CA2: variants seen among roughly 807,000 people sequenced by gnomAD.
CA2 encodes the protein carbonate dehydratase II.
CA2 carries 23 observed loss-of-function variants against 27.8 expected under a neutral mutation model. That is an observed-to-expected ratio of 0.83 (90% CI 0.59 to 1.17). CA2 has a LOEUF of 1.17. Among genes scored for constraint, CA2 ranks in the 50% most tolerant of loss-of-function variants. The pLI, the probability that CA2 is intolerant of heterozygous loss-of-function variation, is 0.00. For synonymous variants in CA2, 99 were observed against 114.9 expected, an observed-to-expected ratio of 0.86 and a Z score of 0.88; for missense variants, 300 against 314.7, an observed-to-expected ratio of 0.95 and a Z score of 0.35.
rs1403101306 is a variant in CA2 at position 85,480,542 on chromosome 8, CA to C, written c.664-125del. 4 of 881,280 alleles carry C rather than the reference CA, an allele frequency of 4.5e-6. No homozygotes were observed. The African/African-American group carries it at 6.8e-5, about 15-fold the overall frequency. The allele number at this position is 881,280 out of a possible 1,614,324, so 54.6% of individuals were successfully genotyped here. On this transcript the variant is annotated intron_variant, in intron 6 of 6. Transcript: ENST00000285379. Reference sequence around the variant, plus strand: ...CCACCCGCCTCATGCCTCAGCCTTACAAAGTGCTGGGATTACAGGCATGAGC... The same window carrying C: ...CCACCCGCCTCATGCCTCAGCCTTACAAGTGCTGGGATTACAGGCATGAGC...
In CA2 at chr8:85,465,330, TGACATC is replaced by T; in HGVS notation, c.98_103del (p.Ile33_Asp34del). The T allele has an allele frequency of 1.2e-6, 2 of 1,614,156 alleles. No individual in the cohort carries two copies. Among genetic ancestry groups the T allele is most frequent in the Non-Finnish European group, 1.7e-6 (2 of 1,180,000 alleles). Reference sequence around the variant, plus strand: ...CCAAGGGAGAGCGCCAGTCCCCTGTTGACATCGACACTCATACAGCCAAGTATGACC... The same window carrying T: ...CCAAGGGAGAGCGCCAGTCCCCTGTTGACACTCATACAGCCAAGTATGACC... On this transcript the variant is annotated inframe_deletion, in exon 2 of 7. Transcript: ENST00000285379.
intron 6 of CA2, among the ~76,000 whole-genome samples, chr8:85,479,054 G>A (rs1811848395): frequency 6.6e-6 from 1 of 152,184 alleles, no homozygotes; most frequent in South Asian, 2.1e-4. Flanking sequence ...AAGACCTGCA[G>A]GTTTACCCCA....
intron 2 of CA2, among the ~76,000 whole-genome samples, chr8:85,470,183 G>C (rs569745218): frequency 6.6e-6 from 1 of 152,100 alleles, no homozygotes; most frequent in African/African-American, 2.4e-5. Flanking sequence ...TTACTCTAGC[G>C]AAAGTGACAG....
chr8:85,474,033 A>G, intron 3 of CA2: 1 of 607,384 alleles, frequency 1.6e-6, no homozygotes, highest in Non-Finnish European at 2.9e-6. Flanking sequence ...GCAAAAAGTA[A>G]ACGGACTCAA....
rs200945186 is a variant in CA2, at chr8:85,479,110, T to TGG, written c.664-1554_664-1553dup. 1.2e-3 allele frequency among the ~76,000 whole-genome samples: 179 copies of TGG among 152,014 alleles called. 3 individuals carry two copies. The East Asian group carries it at 0.031, about 26-fold the overall frequency. On this transcript the variant is annotated intron_variant, in intron 6 of 6. Transcript: ENST00000285379. ...GCGGATGTCTGTTAATGAGGAAGTA[T>TGG]GGGGGGGCGTGGATTTTAGGTAAGC...
At position 85,474,322 on chromosome 8, in the gene CA2, A is replaced by C; in HGVS notation, c.352-2A>C. 1 of 1,612,616 alleles carries C rather than the reference A, an allele frequency of 6.2e-7. No individual in the cohort carries two copies. Among genetic ancestry groups the C allele is most frequent in the Non-Finnish European group, 8.5e-7 (1 of 1,178,582 alleles). On this transcript the variant is annotated splice_acceptor_variant, in intron 3 of 6. Coordinates refer to ENST00000285379, the MANE Select transcript of CA2 (RefSeq NM_000067.3). LOFTEE classifies it high-confidence loss of function. The stretch of plus-strand genomic sequence containing the variant: ...ACTGTGGCTTTGTCTCTTCGGCCTT[A>C]GCTTCACTTGGTTCACTGGAACACC...
chr8:85,479,109 A>AG (rs1811849322), intron 6 of CA2, among the ~76,000 whole-genome samples: 1 of 142,836 alleles, frequency 7.0e-6, no homozygotes, highest in East Asian at 2.7e-4. Context: ...ATGAGGAAGT[A>AG]TGGGGGGGCG....
chr8:85,473,710 CT>C lies in CA2; in HGVS notation c.251del (p.Leu84ArgfsTer7). On this transcript the variant is annotated frameshift_variant, in exon 3 of 7. Coordinates refer to ENST00000285379, the MANE Select transcript of CA2 (RefSeq NM_000067.3). LOFTEE classifies it high-confidence loss of function. ...AATTTTAGTGCTCAAGGGAGGACCCCTGGATGGCACTTACAGATTGATTCAG... is the reference window on the plus strand; with the variant it reads ...AATTTTAGTGCTCAAGGGAGGACCCCGGATGGCACTTACAGATTGATTCAG... The part of the protein sequence containing the change: ...QDKAVLKGGP[L>X]DGTYRLIQFH... The C allele has an allele frequency of 6.2e-7, 1 of 1,602,690 alleles. No individual in the cohort carries two copies. The highest frequency in any genetic ancestry group is 1.1e-5 in the South Asian group (1 of 90,850).
intron 1 of CA2, 151 bp from the exon 2 acceptor site, chr8:85,465,121 G>T (rs1268433273): frequency 8.0e-6 from 5 of 625,392 alleles, no homozygotes; most frequent in Non-Finnish European, 1.4e-5. Flanking sequence ...CTGAGGCACA[G>T]ATTACGTGTT....
intron 3 of CA2, 63 bp downstream of exon 3, chr8:85,473,874 A>G: frequency 1.1e-6 from 1 of 944,750 alleles, no homozygotes; most frequent in Non-Finnish European, 1.8e-6. Context: ...TTTAGCATTA[A>G]TTTCAAAAGC....
At chr8:85,464,407 C>G in intron 1 of CA2, 1 of 405,254 alleles carries the variant, frequency 2.5e-6, no homozygotes, top group Non-Finnish European at 4.3e-6. Context: ...GCCGCGGGAC[C>G]CGAGGACAGT....
intron 4 of CA2, among the ~76,000 whole-genome samples, chr8:85,475,482 A>C (rs1348541397): frequency 2.0e-5 from 3 of 151,832 alleles, no homozygotes; most frequent in African/African-American, 7.3e-5. Flanking sequence ...GGAAGACCAT[A>C]GTGTAAAGTC....
At chr8:85,473,384 C>T (rs1037285873) in intron 2 of CA2, 4 of 490,152 alleles carry the variant, frequency 8.2e-6, no homozygotes, top group Admixed American at 2.3e-5. Flanking sequence ...CTAAAACAAA[C>T]CCAGAAAAAG....
intron 5 of CA2, 83 bp downstream of exon 5, chr8:85,475,943 G>C: frequency 9.5e-7 from 1 of 1,057,620 alleles, no homozygotes; most frequent in Non-Finnish European, 1.5e-6. Flanking sequence ...TGATCAAATT[G>C]CACAGTCTCA....
At chr8:85,474,667 G>A (rs549190801) in intron 4 of CA2, 151 of 499,872 alleles carry the variant, frequency 3.0e-4, no homozygotes, top group Non-Finnish European at 4.9e-4. Context: ...GATCAACTTG[G>A]GTGACTGCTA....
intron 2 of CA2, among the ~76,000 whole-genome samples, chr8:85,473,010 TAATA>T (rs35554360): frequency 0.63 from 88,671 of 140,750 alleles, 27,790 homozygotes; most frequent in African/African-American, 0.67. Flanking sequence ...ATAATAATAA[TAATA>T]AATAAATAAA....
At chr8:85,464,158 G>T (rs1236306847) in intron 1 of CA2, 43 bp downstream of exon 1, 4 of 1,466,828 alleles carry the variant, frequency 2.7e-6, no homozygotes, top group Non-Finnish European at 3.7e-6. Context: ...CCCGATCCCC[G>T]ATCCCCGATC....
chr8:85,474,276 C>G (rs925443330), intron 3 of CA2, 48 bp from the exon 4 acceptor site: 2 of 1,324,860 alleles, frequency 1.5e-6, no homozygotes, highest in African/African-American at 2.9e-5. Flanking sequence ...AATCTGTCAG[C>G]TTTGATTATG....
At chr8:85,479,099 A>G (rs914941285) in intron 6 of CA2, among the ~76,000 whole-genome samples, 1 of 146,858 alleles carries the variant, frequency 6.8e-6, no homozygotes, top group African/African-American at 2.4e-5. Flanking sequence ...ATGTCTGTTA[A>G]TGAGGAAGTA....
Sources: allele counts gnomAD v4.1 joint callset (sites outside exome capture counted in the v4.1 genomes callset), GRCh38; gene constraint gnomAD v4.1.1; transcripts MANE v1.5; gene names NCBI Gene and HGNC (gene_info 2026-07-23, HGNC 2026-07-21).